VPS13C: variants seen among roughly 807,000 people sequenced by gnomAD.
VPS13C encodes the protein intermembrane lipid transfer protein VPS13C.
In VPS13C, 358 loss-of-function variants were observed where a neutral mutation model predicts 456.8. The ratio of observed to expected loss-of-function variants is 0.78; its 90% CI spans 0.72 to 0.86. The LOEUF (loss-of-function observed/expected upper bound fraction) is 0.86. Ranked by LOEUF, VPS13C falls within the 40% of genes least tolerant of loss-of-function variation. The pLI is 0.00. For missense variants in VPS13C, 4,818 were observed against 4,385.4 expected (o/e 1.10, Z -2.79); for synonymous variants, 1,578 against 1,486.7 (o/e 1.06, Z -1.41).
chr15:62,039,928 T>A (rs568550226), intron 3 of VPS13C, among the ~76,000 whole-genome samples: 1 of 152,272 alleles, frequency 6.6e-6, no homozygotes, highest in South Asian at 2.1e-4. Context: ...TGCAGCACTA[T>A]TCACAATAGC....
In VPS13C at chr15:62,010,566, T is replaced by G. The variant is rs199504742; in HGVS notation, c.917A>C (p.Tyr306Ser). The G allele has an allele frequency of 3.7e-6, 6 of 1,613,084 alleles. No individual in the cohort carries two copies. The highest frequency in any genetic ancestry group is 5.1e-6 in the Non-Finnish European group (6 of 1,179,594). ...FQPISASAKL[Y>S]MNPYAESELK... ...CTCTGATTCTGCATAAGGATTCATG[T>G]AGAGTTTTGCAGAGGCTGATATTGG... Residue 306 changes from tyrosine (Y) to serine (S), a missense_variant, in exon 13 of 85, where the codon TAC becomes TCC. Coordinates refer to ENST00000644861, the MANE Select transcript of VPS13C (RefSeq NM_020821.3).
At chr15:61,872,065 C>A (rs1357512726) in intron 78 of VPS13C, 31 bp from the exon 79 acceptor site, 3 of 1,601,710 alleles carry the variant, frequency 1.9e-6, no homozygotes, top group African/African-American at 1.3e-5. Context: ...ATAGTTTAGA[C>A]TGAATGGAAG....
At chr15:61,890,551 A>C (rs2042618394) in intron 66 of VPS13C, 151 bp from the exon 67 acceptor site, 1 of 709,562 alleles carries the variant, frequency 1.4e-6, no homozygotes. Context: ...ATTAAGCTAT[A>C]ATCTATTTTA....
rs770366597 is a variant in VPS13C, at chr15:62,012,175, A to G, written c.826-11T>C. 1 of 1,514,960 alleles carries G rather than the reference A, an allele frequency of 6.6e-7. No individual in the cohort carries two copies. The highest frequency in any genetic ancestry group is 9.1e-7 in the Non-Finnish European group (1 of 1,094,952). 93.8% of individuals were successfully genotyped at this position (1,514,960 alleles called of 1,614,324 possible). A position where few individuals can be genotyped will look rare whatever the true frequency, so the allele number is the denominator to read the frequency against. On this transcript the variant is annotated splice_polypyrimidine_tract_variant and intron_variant, in intron 11 of 84. Transcript: ENST00000644861. The stretch of plus-strand genomic sequence containing the variant: ...ATTTTTCAGCTGATCCTAAACAAAA[A>G]ATTTGAATGAGAATGAAAAAGAAAA...
intron 1 of VPS13C, among the ~76,000 whole-genome samples, chr15:62,053,284 T>C (rs76797231): frequency 0.011 from 1,617 of 152,286 alleles, 12 homozygotes; most frequent in Non-Finnish European, 0.018. Context: ...CTGACATCTT[T>C]TATGTGTCAA....
chr15:62,000,961 T>C (rs955743791), intron 15 of VPS13C, among the ~76,000 whole-genome samples: 6 of 152,234 alleles, frequency 3.9e-5, no homozygotes, highest in Admixed American at 6.5e-5. Context: ...TTATGATTCT[T>C]ACTTCTAACT....
At chr15:61,912,889 G>A (rs28373613) in intron 62 of VPS13C, among the ~76,000 whole-genome samples, 55,207 of 147,836 alleles carry the variant, frequency 0.37, 10,695 homozygotes, top group Non-Finnish European at 0.42. Flanking sequence ...GAGAACATGC[G>A]GTGTTTGGTT....
At chr15:62,048,273 CCT>C (rs1319430316) in intron 1 of VPS13C, among the ~76,000 whole-genome samples, 9 of 133,800 alleles carry the variant, frequency 6.7e-5, no homozygotes, top group Non-Finnish European at 1.1e-4. Context: ...CCAACAGGCC[CCT>C]GTGTGTGATG....
rs769773095 is a variant in VPS13C, at chr15:61,919,338, A to G, written c.7589T>C (p.Ile2530Thr). Reference sequence around the variant, plus strand: ...TACTTTATTCCCTTCAGTTGCATCAATTTGTACCAAGACAGAGTCAGAATG... The same window carrying G: ...TACTTTATTCCCTTCAGTTGCATCAGTTTGTACCAAGACAGAGTCAGAATG... Reference protein sequence around the residue: ...ASHSDSVLVQIDATEGNKVIT... With the variant: ...ASHSDSVLVQTDATEGNKVIT... The change falls in exon 58 of 85, where the codon ATT (isoleucine) becomes ACT (threonine). Residue 2530 changes from isoleucine to threonine, a missense_variant. Physicochemically the swap from Ile to Thr is moderately conservative, Grantham distance 89. Transcript: ENST00000644861. 4 of 1,606,846 alleles carry G rather than the reference A, an allele frequency of 2.5e-6. No individual in the cohort carries two copies. The African/African-American group carries it at 4.0e-5, about 16-fold the overall frequency.
At chr15:61,861,322 T>C (rs1263722032) in intron 82 of VPS13C, among the ~76,000 whole-genome samples, 1 of 152,244 alleles carries the variant, frequency 6.6e-6, no homozygotes, top group East Asian at 1.9e-4. Flanking sequence ...TCAAGCCAAA[T>C]CCAGCCCAAG....
chr15:62,005,538 G>C (rs1486130442), intron 15 of VPS13C, among the ~76,000 whole-genome samples: 1 of 150,888 alleles, frequency 6.6e-6, no homozygotes, highest in Non-Finnish European at 1.5e-5. Flanking sequence ...ATATTGTTAT[G>C]TGTGAATTTG....
intron 43 of VPS13C, 100 bp from the exon 44 acceptor site, chr15:61,946,510 A>G: frequency 3.9e-6 from 3 of 767,660 alleles, no homozygotes; most frequent in Non-Finnish European, 5.9e-6. Context: ...TAAAGTGAAT[A>G]AAAATTACTC....
At chr15:61,998,039 T>TA (rs2046452782) in intron 16 of VPS13C, among the ~76,000 whole-genome samples, 1 of 152,198 alleles carries the variant, frequency 6.6e-6, no homozygotes, top group African/African-American at 2.4e-5. Context: ...ATTCCTCTGC[T>TA]ACCTTACTTC....
At chr15:61,888,338 C>A (rs1729650322) in intron 67 of VPS13C, among the ~76,000 whole-genome samples, 1 of 152,108 alleles carries the variant, frequency 6.6e-6, no homozygotes, top group South Asian at 2.1e-4. Flanking sequence ...CAATCATATT[C>A]CTTGGCACTT....
At chr15:62,028,527 T>C in intron 5 of VPS13C, 107 bp from the exon 6 acceptor site, 2 of 1,089,270 alleles carry the variant, frequency 1.8e-6, no homozygotes, top group Non-Finnish European at 1.3e-6. Context: ...TTAGAAATCA[T>C]GTAACAGGGT....
intron 1 of VPS13C, among the ~76,000 whole-genome samples, chr15:62,056,825 A>G (rs565580717): frequency 7.9e-5 from 12 of 152,278 alleles, no homozygotes; most frequent in African/African-American, 2.2e-4. Context: ...GGCATAAGCT[A>G]TCTTTCTCTC....
chr15:62,005,845 G>C (rs2046817294), intron 15 of VPS13C, among the ~76,000 whole-genome samples: 1 of 151,614 alleles, frequency 6.6e-6, no homozygotes, highest in Non-Finnish European at 1.5e-5. Context: ...TGGGATTACG[G>C]GTGCCCACCA....
chr15:61,858,165 A>G lies in VPS13C; in HGVS notation c.10953-1756T>C, dbSNP rs17238110. Among the ~76,000 whole-genome samples, 10,992 of 152,082 alleles carry G rather than the reference A, an allele frequency of 0.072. 616 individuals are homozygous for G. Among genetic ancestry groups the G allele is most frequent in the East Asian group, 0.21 (1,068 of 5,166 alleles). ...TTAAACTCTTCTCTTTACCATCCCA[A>G]TAATACTACCGTTCTCCTTCCACCT... On this transcript the variant is annotated intron_variant, in intron 82 of 84. Transcript: ENST00000644861. This position sits in a 1 kb window ranked among gnomAD's most constrained non-coding sequence, Gnocchi z 4.4.
intron 18 of VPS13C, among the ~76,000 whole-genome samples, chr15:61,987,410 G>T (rs1056009788): frequency 1.3e-5 from 2 of 152,180 alleles, no homozygotes; most frequent in Non-Finnish European, 2.9e-5. Flanking sequence ...GAAGGCAAGG[G>T]AAGAGCAAAG....
Sources: gnomAD v4.1 joint callset for allele counts (sites outside exome capture counted in the v4.1 genomes callset) on GRCh38, gnomAD v4.1.1 for gene constraint, Gnocchi (gnomAD v3.1) non-coding constraint, MANE v1.5 for transcripts, NCBI Gene and HGNC (gene_info 2026-07-23, HGNC 2026-07-21) for gene names.